ADAM12: variants seen among roughly 807,000 people sequenced by gnomAD.
ADAM12 encodes the protein disintegrin and metalloproteinase domain-containing protein 12.
ADAM12 carries 70 observed loss-of-function variants against 106.4 expected under a neutral mutation model. The ratio of observed to expected loss-of-function variants is 0.66; its 90% CI spans 0.54 to 0.80. ADAM12 has a LOEUF of 0.80. Among genes scored for constraint, ADAM12 ranks in the 30% least tolerant of loss-of-function variants. The pLI, the probability that ADAM12 is intolerant of heterozygous loss-of-function variation, is 0.00. For missense variants in ADAM12, 1,010 were observed against 1,171.9 expected (o/e 0.86, Z 2.02); for synonymous variants, 420 against 433.5 (o/e 0.97, Z 0.39).
chr10:126,288,133 G>T (rs1274324681), intron 2 of ADAM12, among the ~76,000 whole-genome samples: 1 of 152,070 alleles, frequency 6.6e-6, no homozygotes, highest in Non-Finnish European at 1.5e-5. Context: ...TCTGACCTGC[G>T]GGCTGTCTGC....
At position 126,039,332 on chromosome 10, in the gene ADAM12, C is replaced by G; in HGVS notation, c.2202G>C (p.Leu734=). 1 of 1,614,042 alleles carries G rather than the reference C, an allele frequency of 6.2e-7. No homozygotes were observed. Among genetic ancestry groups the G allele is most frequent in the Non-Finnish European group, 8.5e-7 (1 of 1,179,978 alleles). ...VYLKRKTLIR[L]LFTNKKTTIE... ...TGGTGGTCTTCTTATTTGTAAACAG[C>G]AGTCGTATCAAGGTCTTCCTTTTGA... The change falls in exon 19 of 23, where the codon CTG becomes CTC. Residue 734 remains leucine (L), a synonymous_variant. Transcript: ENST00000448723.
intron 3 of ADAM12, among the ~76,000 whole-genome samples, chr10:126,269,182 C>T (rs1360846484): frequency 1.3e-5 from 2 of 152,136 alleles, no homozygotes; most frequent in East Asian, 1.9e-4. Context: ...GGGTCACTCT[C>T]GTGACCATTT....
chr10:126,223,043 C>A (rs1466068285), intron 3 of ADAM12, among the ~76,000 whole-genome samples: 1 of 152,194 alleles, frequency 6.6e-6, no homozygotes, highest in African/African-American at 2.4e-5. Context: ...ACAGCTCTGC[C>A]AAATCTACTG....
chr10:126,313,256 C>T (rs1349941771), intron 2 of ADAM12, among the ~76,000 whole-genome samples: 1 of 152,166 alleles, frequency 6.6e-6, no homozygotes, highest in African/African-American at 2.4e-5. Context: ...CTGGTTTCCC[C>T]CACCAGTTGA....
At chr10:126,350,508 T>C (rs1855311831) in intron 1 of ADAM12, among the ~76,000 whole-genome samples, 1 of 152,148 alleles carries the variant, frequency 6.6e-6, no homozygotes. Context: ...ACAACTAGAC[T>C]CACCTGGCCC....
intron 18 of ADAM12, among the ~76,000 whole-genome samples, chr10:126,040,940 G>A (rs1399076065): frequency 6.6e-6 from 1 of 152,126 alleles, no homozygotes; most frequent in African/African-American, 2.4e-5. Flanking sequence ...GTCCCCTCCT[G>A]TTGGCCCAGT....
At chr10:126,017,869 C>A (rs1953688699) in intron 22 of ADAM12, among the ~76,000 whole-genome samples, 1 of 152,178 alleles carries the variant, frequency 6.6e-6, no homozygotes, top group Non-Finnish European at 1.5e-5. Context: ...AAATCAGCAA[C>A]TGACCAGAGG....
chr10:126,033,748 A>G (rs1227667032), intron 21 of ADAM12, among the ~76,000 whole-genome samples: 2 of 152,218 alleles, frequency 1.3e-5, no homozygotes, highest in Non-Finnish European at 2.9e-5. Context: ...TCCCTGGAAC[A>G]GAGACTATGG....
intron 3 of ADAM12, among the ~76,000 whole-genome samples, chr10:126,241,600 T>C (rs1299215599): frequency 1.3e-5 from 2 of 152,192 alleles, no homozygotes; most frequent in Admixed American, 1.3e-4. Context: ...GTTGAGGCCA[T>C]GACAAAGCAG....
intron 2 of ADAM12, among the ~76,000 whole-genome samples, chr10:126,328,102 T>C (rs939091306): frequency 6.6e-6 from 1 of 152,264 alleles, no homozygotes; most frequent in Non-Finnish European, 1.5e-5. Flanking sequence ...TGCTGGCCCC[T>C]AGAATACTTT....
intron 3 of ADAM12, among the ~76,000 whole-genome samples, chr10:126,232,928 G>A (rs1958340916): frequency 6.6e-6 from 1 of 152,186 alleles, no homozygotes; most frequent in African/African-American, 2.4e-5. Context: ...CACTGATGGA[G>A]GCAGAGGAAG....
At chr10:126,088,012 C>T (rs532373947) in intron 11 of ADAM12, among the ~76,000 whole-genome samples, 2 of 152,334 alleles carry the variant, frequency 1.3e-5, no homozygotes, top group East Asian at 3.9e-4. Flanking sequence ...CTGCCTGCTG[C>T]CTCTTCTAAC....
Position 126,376,062 on chromosome 10 carries a change from T to G in ADAM12, c.88+11996A>C, listed in dbSNP as rs1211843037. 2.7e-4 allele frequency among the ~76,000 whole-genome samples: 41 copies of G among 151,704 alleles called. 1 individual carries two copies. The highest frequency in any genetic ancestry group is 2.9e-5 in the Non-Finnish European group (2 of 67,946). On this transcript the variant is annotated intron_variant, in intron 1 of 22. Transcript: ENST00000448723. ...TGGGCCTGGCTAATCCTTTTGTTTATCATTGTAATGGATATGCTACCCAAT... is the reference window on the plus strand; with the variant it reads ...TGGGCCTGGCTAATCCTTTTGTTTAGCATTGTAATGGATATGCTACCCAAT...
chr10:126,376,460 T>A (rs1339076096), intron 1 of ADAM12, among the ~76,000 whole-genome samples: 1 of 152,246 alleles, frequency 6.6e-6, no homozygotes, highest in Non-Finnish European at 1.5e-5. Flanking sequence ...TACTTCTGTG[T>A]ATGTTTAAAA....
intron 4 of ADAM12, among the ~76,000 whole-genome samples, chr10:126,147,360 C>A (rs1956647539): frequency 6.6e-6 from 1 of 152,204 alleles, no homozygotes; most frequent in Non-Finnish European, 1.5e-5. Flanking sequence ...GACCCTCCCT[C>A]TCCCCTCCTG....
intron 1 of ADAM12, 63 bp from the exon 2 acceptor site, chr10:126,330,572 CT>C: frequency 7.2e-7 from 1 of 1,393,132 alleles, no homozygotes; most frequent in Non-Finnish European, 1.0e-6. Context: ...GCATCAGAAG[CT>C]TATTACATAA....
intron 14 of ADAM12, among the ~76,000 whole-genome samples, chr10:126,054,395 A>G (rs1954581770): frequency 6.6e-6 from 1 of 152,240 alleles, no homozygotes; most frequent in Non-Finnish European, 1.5e-5. Flanking sequence ...GATGAGCGCC[A>G]AAGCGCCTTC....
intron 3 of ADAM12, among the ~76,000 whole-genome samples, chr10:126,177,229 T>C (rs2169075): frequency 0.54 from 80,581 of 150,554 alleles, 22,991 homozygotes; most frequent in African/African-American, 0.75. Context: ...AGGAGGAAAA[T>C]AGAAGATAAC....
chr10:126,311,594 C>T (rs928157732), intron 2 of ADAM12, among the ~76,000 whole-genome samples: 2 of 152,066 alleles, frequency 1.3e-5, no homozygotes, highest in African/African-American at 4.8e-5. Context: ...ACTTCCAGCC[C>T]ACCCCCATCC....
Sources: allele counts gnomAD v4.1 joint callset (sites outside exome capture counted in the v4.1 genomes callset), GRCh38; gene constraint gnomAD v4.1.1; transcripts MANE v1.5; gene names NCBI Gene and HGNC (gene_info 2026-07-23, HGNC 2026-07-21).